The following GLIPR1 variants were observed in gnomAD, a reference collection of about 807,000 sequenced individuals.
GLIPR1 encodes glioma pathogenesis-related protein 1.
A neutral mutation model predicts 30.3 loss-of-function variants in GLIPR1; 38 were observed. The observed-to-expected ratio is 1.26, with a 90% CI of 0.97 to 1.65. The LOEUF is 1.65. Ranked by LOEUF, GLIPR1 falls within the 40% of genes most tolerant of loss-of-function variation. The probability of loss-of-function intolerance (pLI) is 0.00; values close to 1 mark genes in which losing one functional copy is unlikely to be tolerated. For synonymous variants in GLIPR1, 122 were observed against 110.6 expected, an observed-to-expected ratio of 1.10 and a Z score of -0.65; for missense variants, 285 against 326.5, an observed-to-expected ratio of 0.87 and a Z score of 0.98.
At chr12:75,491,107 C>A (rs572919514) in intron 3 of GLIPR1, 1 of 152,258 alleles carries the variant, frequency 6.6e-6, no homozygotes, top group South Asian at 2.1e-4. Context: ...TTCTATTTTT[C>A]ACTTAAAATT....
chr12:75,503,289 G>GA lies in GLIPR1; in HGVS notation c.*4314dup, dbSNP rs1248192638. The GA allele has an allele frequency of 1.3e-5, 2 of 152,196 alleles. No individual in the cohort carries two copies. The highest frequency in any genetic ancestry group is 4.8e-5 in the African/African-American group (2 of 41,424). The allele number at this position is 152,196 out of a possible 1,614,324, so 9.4% of individuals were successfully genotyped here. A position where few individuals can be genotyped will look rare whatever the true frequency, so the allele number is the denominator to read the frequency against. ...TTAAGAGGAAACATGAATTTTGAATGAAATTAATCCAAAGATAAAACTTTC... is the reference window on the plus strand; with the variant it reads ...TTAAGAGGAAACATGAATTTTGAATGAAAATTAATCCAAAGATAAAACTTTC... On this transcript the variant is annotated 3_prime_UTR_variant, in exon 6 of 6. Coordinates refer to ENST00000266659, the MANE Select transcript of GLIPR1 (RefSeq NM_006851.3).
In GLIPR1 at chr12:75,480,880, C is replaced by G; in HGVS notation, c.-1C>G. On this transcript the variant is annotated 5_prime_UTR_variant, in exon 1 of 6. Coordinates refer to ENST00000266659, the MANE Select transcript of GLIPR1 (RefSeq NM_006851.3). Reference sequence around the variant, plus strand: ...TCCCAAGGCTCCATGCCAGACAAAGCATGCGTGTCACACTTGCTACAATAG... The same window carrying G: ...TCCCAAGGCTCCATGCCAGACAAAGGATGCGTGTCACACTTGCTACAATAG... The G allele has an allele frequency of 6.2e-7, 1 of 1,607,386 alleles. No individual in the cohort carries two copies. Among genetic ancestry groups the G allele is most frequent in the Non-Finnish European group, 8.5e-7 (1 of 1,175,394 alleles).
chr12:75,489,013 G>C (rs1420930912), intron 2 of GLIPR1, among the ~76,000 whole-genome samples: 1 of 152,140 alleles, frequency 6.6e-6, no homozygotes, highest in African/African-American at 2.4e-5. Context: ...AATGTAATTT[G>C]GTACTGCTGT....
intron 4 of GLIPR1, chr12:75,498,474 T>C: frequency 2.2e-6 from 1 of 453,596 alleles, no homozygotes; most frequent in Non-Finnish European, 3.9e-6. Context: ...ATAGTTTCCT[T>C]TTTATAAAAG....
chr12:75,486,432 C>CA (rs1405996793), intron 2 of GLIPR1, among the ~76,000 whole-genome samples: 1 of 152,098 alleles, frequency 6.6e-6, no homozygotes, highest in Non-Finnish European at 1.5e-5. Flanking sequence ...TTTAAAACTT[C>CA]AAAATAGGCC....
intron 2 of GLIPR1, chr12:75,485,004 G>A (rs1012125521): frequency 6.5e-6 from 1 of 152,768 alleles, no homozygotes; most frequent in African/African-American, 2.4e-5. Flanking sequence ...ATGGAAGAAG[G>A]ATCTGATAGC....
intron 2 of GLIPR1, chr12:75,484,108 A>C (rs2046283178): frequency 6.6e-6 from 1 of 152,152 alleles, no homozygotes; most frequent in African/African-American, 2.4e-5. Context: ...TGGTCATGAG[A>C]AAATTCATTT....
chr12:75,502,882 TAC>T lies in GLIPR1; in HGVS notation c.*3905_*3906del, dbSNP rs2046404329. On this transcript the variant is annotated 3_prime_UTR_variant, in exon 6 of 6. Transcript: ENST00000266659. The stretch of plus-strand genomic sequence containing the variant: ...TGCATCACTCCACTTTCCCCCTAAC[TAC>T]TATCAATTTCCTCCATGATCCAAAA... 1.3e-5 allele frequency: 2 copies of T among 152,034 alleles called. No individual in the cohort carries two copies. The highest frequency in any genetic ancestry group is 2.9e-5 in the Non-Finnish European group (2 of 67,934). The allele number at this position is 152,034 out of a possible 1,614,324, so 9.4% of individuals were successfully genotyped here. A position where few individuals can be genotyped will look rare whatever the true frequency, so the allele number is the denominator to read the frequency against.
intron 3 of GLIPR1, chr12:75,490,729 T>G (rs1360693905): frequency 5.5e-5 from 20 of 360,684 alleles, no homozygotes; most frequent in South Asian, 2.0e-4. Context: ...AGAGAGAGGG[T>G]GTGTGTGTGT....
At chr12:75,492,002 ACTTAATAT>A (rs1454314257) in intron 3 of GLIPR1, 1 of 152,086 alleles carries the variant, frequency 6.6e-6, no homozygotes, top group East Asian at 1.9e-4. Context: ...GACAGCTTTG[ACTTAATAT>A]CTTAAGAGTT....
In GLIPR1 at chr12:75,482,022, C is replaced by G; in HGVS notation, c.363C>G (p.Ile121Met). The G allele has an allele frequency of 6.2e-7, 1 of 1,613,918 alleles. No individual in the cohort carries two copies. The part of the protein sequence containing the change: ...SSAITNWYDE[I>M]QDYDFKTRIC... ...CCATCACAAACTGGTATGACGAAAT[C>G]CAGGACTATGACTTCAAGACTCGGA... The change falls in exon 2 of 6, where the codon ATC becomes ATG. Residue 121 changes from isoleucine (I) to methionine (M), a missense_variant. Transcript: ENST00000266659.
Position 75,499,809 on chromosome 12 carries a change from T to C in GLIPR1, c.*831T>C, listed in dbSNP as rs146705305. 7.6e-5 allele frequency: 121 copies of C among 1,598,024 alleles called. No individual in the cohort carries two copies. In the African/African-American group the frequency reaches 1.4e-3, roughly 19 times the overall value. On this transcript the variant is annotated 3_prime_UTR_variant, in exon 6 of 6. Coordinates refer to ENST00000266659, the MANE Select transcript of GLIPR1 (RefSeq NM_006851.3). ...TTCTAGTCAAGGAGTTTTGGGTATG[T>C]TACTTTTTTTTCTTCTTTTTCTTTT...
chr12:75,495,494 T>G (rs536124195), intron 3 of GLIPR1, 83 bp from the exon 4 acceptor site: 1 of 723,874 alleles, frequency 1.4e-6, no homozygotes, highest in South Asian at 1.5e-5. Flanking sequence ...ACTATTCTTC[T>G]GGATTTAGTT....
intron 1 of GLIPR1, 91 bp downstream of exon 1, chr12:75,481,145 GAT>G: frequency 1.1e-6 from 1 of 897,270 alleles, no homozygotes; most frequent in Non-Finnish European, 1.7e-6. Flanking sequence ...AATACTGAAT[GAT>G]TTTTTTTTCA....
At chr12:75,482,751 C>T (rs934147922) in intron 2 of GLIPR1, among the ~76,000 whole-genome samples, 2 of 147,922 alleles carry the variant, frequency 1.4e-5, no homozygotes, top group African/African-American at 5.0e-5. Flanking sequence ...CAAGCTGATT[C>T]TGGCTCCCTA....
chr12:75,490,734 G>GTC, intron 3 of GLIPR1: 5 of 467,164 alleles, frequency 1.1e-5, no homozygotes, highest in Non-Finnish European at 1.9e-5. Context: ...GAGGGTGTGT[G>GTC]TGTGTGTGTA....
Position 75,499,103 on chromosome 12 carries a change from T to C in GLIPR1, c.*125T>C. 3.9e-6 allele frequency: 2 copies of C among 519,098 alleles called. No individual in the cohort carries two copies. The highest frequency in any genetic ancestry group is 6.5e-6 in the Non-Finnish European group (2 of 308,260). 32.2% of individuals were successfully genotyped at this position (519,098 alleles called of 1,614,324 possible). On this transcript the variant is annotated 3_prime_UTR_variant, in exon 6 of 6. Coordinates refer to ENST00000266659, the MANE Select transcript of GLIPR1 (RefSeq NM_006851.3). ...CAGAAAAAAATATATGTTATAGCAATACTCTTACTCAAAAGAAGAAATTTC... is the reference window on the plus strand; with the variant it reads ...CAGAAAAAAATATATGTTATAGCAACACTCTTACTCAAAAGAAGAAATTTC...
chr12:75,481,805 C>T, intron 1 of GLIPR1, 29 bp from the exon 2 acceptor site: 1 of 1,608,244 alleles, frequency 6.2e-7, no homozygotes, highest in Non-Finnish European at 8.5e-7. Context: ...TCAGATGAAC[C>T]CCCTATTGTT....
intron 3 of GLIPR1, chr12:75,493,682 C>T (rs2046335365): frequency 6.6e-6 from 1 of 152,216 alleles, no homozygotes; most frequent in East Asian, 1.9e-4. Flanking sequence ...TCCCATAACC[C>T]CAACCCTCTT....
Sources: gnomAD v4.1 joint callset for allele counts (sites outside exome capture counted in the v4.1 genomes callset) on GRCh38, gnomAD v4.1.1 for gene constraint, MANE v1.5 for transcripts, NCBI Gene and HGNC (gene_info 2026-07-23, HGNC 2026-07-21) for gene names.